Variants in FAM184A observed in about 807,000 individuals in gnomAD.
FAM184A encodes the protein family with sequence similarity 184 member A.
A neutral mutation model predicts 143.8 loss-of-function variants in FAM184A; 99 were observed. The observed-to-expected ratio is 0.69, with a 90% CI of 0.58 to 0.81. The LOEUF is 0.81. Among genes scored for constraint, FAM184A ranks in the 40% least tolerant of loss-of-function variants. The probability of loss-of-function intolerance (pLI) is 0.00; values close to 1 mark genes in which losing one functional copy is unlikely to be tolerated. For missense variants in FAM184A, 1,217 were observed against 1,310.5 expected (o/e 0.93, Z 1.10); for synonymous variants, 427 against 446.4 (o/e 0.96, Z 0.55).
intron 1 of FAM184A, among the ~76,000 whole-genome samples, chr6:119,142,188 G>A (rs912184513): frequency 6.6e-6 from 1 of 152,142 alleles, no homozygotes; most frequent in Non-Finnish European, 1.5e-5. Context: ...AACATCTGAA[G>A]ACAATATATC....
At chr6:119,135,785 A>C (rs888715899) in intron 1 of FAM184A, among the ~76,000 whole-genome samples, 3 of 152,150 alleles carry the variant, frequency 2.0e-5, no homozygotes, top group Non-Finnish European at 4.4e-5. Context: ...AGAAGATTAG[A>C]ATTTGGTTGA....
chr6:119,078,209 C>G lies in FAM184A; in HGVS notation c.91G>C (p.Gly31Arg). The change falls in exon 1 of 18, where the codon GGG becomes CGG. Residue 31 changes from glycine to arginine, a missense_variant. Physicochemically the swap from Gly to Arg is moderately radical, Grantham distance 125 (BLOSUM62 -2). Transcript: ENST00000338891. This position sits in a 1 kb window ranked among gnomAD's most constrained non-coding sequence, Gnocchi z 5.5. The stretch of plus-strand genomic sequence containing the variant: ...TCCTGGCTGTAGTCCATGCTGTGCC[C>G]AGCCAGCTGTGCGGTGGCCGGCGAG... ...APSPATAQLA[G>R]HSMDYSQEMH... 1 of 1,569,306 alleles carries G rather than the reference C, an allele frequency of 6.4e-7. No homozygotes were observed. The highest frequency in any genetic ancestry group is 1.7e-4 in the Middle Eastern group (1 of 6,016).
intron 15 of FAM184A, among the ~76,000 whole-genome samples, chr6:118,965,909 T>C (rs1783488666): frequency 6.6e-6 from 1 of 152,192 alleles, no homozygotes; most frequent in Non-Finnish European, 1.5e-5. Flanking sequence ...TTTCCATGAG[T>C]CTGCTGCTAC....
chr6:119,015,591 A>G (rs1200504263), intron 5 of FAM184A, among the ~76,000 whole-genome samples: 1 of 152,156 alleles, frequency 6.6e-6, no homozygotes, highest in African/African-American at 2.4e-5. Flanking sequence ...GCAGCCCGCC[A>G]TGCCTGAGCC....
chr6:119,143,882 T>C (rs763058203), intron 1 of FAM184A, among the ~76,000 whole-genome samples: 3 of 152,198 alleles, frequency 2.0e-5, no homozygotes, highest in Non-Finnish European at 2.9e-5. Context: ...CTGAACTGTA[T>C]ACTTAAACTT....
At chr6:119,133,748 T>C (rs544232350) in intron 1 of FAM184A, among the ~76,000 whole-genome samples, 2 of 152,174 alleles carry the variant, frequency 1.3e-5, no homozygotes, top group Non-Finnish European at 2.9e-5. Context: ...CCAAGTCACA[T>C]CACAGTGTCT....
chr6:119,148,521 C>T (rs733260), intron 1 of FAM184A, among the ~76,000 whole-genome samples: 44,662 of 152,014 alleles, frequency 0.29, 7,103 homozygotes, highest in East Asian at 0.53. Flanking sequence ...CTCTTTGTCC[C>T]GCCCCTGCTC....
chr6:119,040,888 G>T (rs115067554), intron 1 of FAM184A, among the ~76,000 whole-genome samples: 1 of 152,146 alleles, frequency 6.6e-6, no homozygotes, highest in Non-Finnish European at 1.5e-5. Flanking sequence ...GTCCTCAGGG[G>T]TTACTGATTT....
chr6:119,056,191 A>C (rs971073244), intron 1 of FAM184A, among the ~76,000 whole-genome samples: 1 of 152,240 alleles, frequency 6.6e-6, no homozygotes, highest in Non-Finnish European at 1.5e-5. Context: ...AAAAGAAAAA[A>C]GAGGAAATTT....
chr6:119,050,299 C>A (rs1786700641), intron 1 of FAM184A, among the ~76,000 whole-genome samples: 2 of 152,232 alleles, frequency 1.3e-5, no homozygotes, highest in South Asian at 4.1e-4. Context: ...AACAGAACTA[C>A]CATTTGACCC....
chr6:119,131,941 C>G (rs1315188423), intron 1 of FAM184A, among the ~76,000 whole-genome samples: 1 of 152,154 alleles, frequency 6.6e-6, no homozygotes, highest in Non-Finnish European at 1.5e-5. Context: ...TATTCTCAAA[C>G]TAACATTTGG....
intron 1 of FAM184A, among the ~76,000 whole-genome samples, chr6:119,118,843 G>A (rs1789131461): frequency 6.6e-6 from 1 of 152,088 alleles, no homozygotes; most frequent in Non-Finnish European, 1.5e-5. Flanking sequence ...CAGTGTTCAG[G>A]GAACAAGAGA....
chr6:119,100,522 G>GT, intron 1 of FAM184A, among the ~76,000 whole-genome samples: 1 of 152,154 alleles, frequency 6.6e-6, no homozygotes, highest in African/African-American at 2.4e-5. Context: ...CCTAAATACA[G>GT]TTGACCTCCA....
chr6:119,057,636 G>C (rs1027160518), intron 1 of FAM184A, among the ~76,000 whole-genome samples: 18 of 152,118 alleles, frequency 1.2e-4, no homozygotes, highest in African/African-American at 4.3e-4. Context: ...CAGCTACTCG[G>C]GGGAGCTGAA....
At chr6:119,081,923 C>A (rs569985484), upstream of FAM184A, among the ~76,000 whole-genome samples, 7 of 152,338 alleles carry the variant, frequency 4.6e-5, no homozygotes, top group Admixed American at 3.3e-4. Context: ...TCTCAACATC[C>A]AGCTGCCTGT....
At chr6:119,018,540 G>T (rs1785341144) in intron 4 of FAM184A, among the ~76,000 whole-genome samples, 1 of 152,200 alleles carries the variant, frequency 6.6e-6, no homozygotes. Context: ...TCAGAAGTAG[G>T]CAGGAATAAA....
At position 119,024,346 on chromosome 6, in the gene FAM184A, A is replaced by C; in HGVS notation, c.627T>G (p.Ser209Arg). ...QELLKSQQDH[S>R]ASVNKGQEKA... ...TTTCCTGGCCTTTATTTACTGAGGCACTGTGATCCTGCTGTGACTTCAATA... is the reference window on the plus strand; with the variant it reads ...TTTCCTGGCCTTTATTTACTGAGGCCCTGTGATCCTGCTGTGACTTCAATA... Residue 209 changes from serine (S) to arginine (R), a missense_variant, in exon 2 of 18, where the codon AGT (serine) becomes AGG (arginine). Transcript: ENST00000338891. 1 of 1,614,186 alleles carries C rather than the reference A, an allele frequency of 6.2e-7. No individual in the cohort carries two copies. Among genetic ancestry groups the C allele is most frequent in the South Asian group, 1.1e-5 (1 of 91,086 alleles).
rs778386625 is a variant in FAM184A at position 119,024,507 on chromosome 6, T to C, written c.466A>G (p.Arg156Gly). ...TTCCTTCTAATCTCTTCGACTTCTC[T>C]AGACATGGTCACTATGCGTTGGACA... ...QHVQRIVTMSREVEEIRRKFE... is the reference protein window; with the variant it reads ...QHVQRIVTMSGEVEEIRRKFE... Residue 156 changes from arginine (R) to glycine (G), a missense_variant, in exon 2 of 18, where the codon AGA becomes GGA. Physicochemically the swap from Arg to Gly is moderately radical, Grantham distance 125. Coordinates refer to ENST00000338891, the MANE Select transcript of FAM184A (RefSeq NM_024581.6). The C allele has an allele frequency of 4.3e-6, 7 of 1,613,850 alleles. No individual in the cohort carries two copies. The highest frequency in any genetic ancestry group is 5.9e-6 in the Non-Finnish European group (7 of 1,179,952).
At chr6:119,083,246 G>C (rs1346930207), upstream of FAM184A, among the ~76,000 whole-genome samples, 1 of 152,240 alleles carries the variant, frequency 6.6e-6, no homozygotes, top group Non-Finnish European at 1.5e-5. Flanking sequence ...CTGGGCCTGT[G>C]ATGGGAGGGG....
Sources: allele counts gnomAD v4.1 joint callset (sites outside exome capture counted in the v4.1 genomes callset), GRCh38; gene constraint gnomAD v4.1.1; non-coding constraint Gnocchi (gnomAD v3.1); transcripts MANE v1.5; gene names NCBI Gene and HGNC (gene_info 2026-07-23, HGNC 2026-07-21).